Variants in UQCC1 observed in about 807,000 individuals in gnomAD.
UQCC1 encodes the protein ubiquinol-cytochrome c reductase complex assembly factor 1, also known as bFGF-repressed Zic-binding protein.
UQCC1 carries 38 observed loss-of-function variants against 48.0 expected under a neutral mutation model. The observed-to-expected ratio is 0.79, with a 90% confidence interval of 0.61 to 1.04. The LOEUF (loss-of-function observed/expected upper bound fraction) is 1.04, where lower values mean the gene tolerates loss of function less well. Among genes scored for constraint, UQCC1 ranks in the 50% least tolerant of loss-of-function variants. The probability of loss-of-function intolerance (pLI) is 0.00; values close to 1 mark genes in which losing one functional copy is unlikely to be tolerated. For synonymous variants in UQCC1, 111 were observed against 129.2 expected, an observed-to-expected ratio of 0.86 and a Z score of 0.95; for missense variants, 368 against 381.8, an observed-to-expected ratio of 0.96 and a Z score of 0.30.
chr20:35,338,914 G>T (rs1433708549), intron 7 of UQCC1, among the ~76,000 whole-genome samples: 18 of 34,148 alleles, frequency 5.3e-4, no homozygotes, highest in East Asian at 1.8e-3. Context: ...TATATGGAGA[G>T]ATTTTTCAAA....
intron 6 of UQCC1, among the ~76,000 whole-genome samples, chr20:35,348,513 C>T (rs2061455692): frequency 6.6e-6 from 1 of 152,122 alleles, no homozygotes; most frequent in Non-Finnish European, 1.5e-5. Context: ...CTTCAGCCTC[C>T]CAAGCAGCTG....
intron 1 of UQCC1, chr20:35,409,328 A>C (rs1014444935): frequency 6.6e-6 from 1 of 152,506 alleles, no homozygotes; most frequent in Non-Finnish European, 1.5e-5. Flanking sequence ...AAATTAGCTG[A>C]ACGTAGTGGC....
At chr20:35,396,456 G>A (rs2062080506) in intron 1 of UQCC1, among the ~76,000 whole-genome samples, 1 of 151,918 alleles carries the variant, frequency 6.6e-6, no homozygotes, top group South Asian at 2.1e-4. Flanking sequence ...CTAAAGGCTT[G>A]CATAGCTGTG....
intron 6 of UQCC1, among the ~76,000 whole-genome samples, chr20:35,362,981 C>A (rs757769800): frequency 4.0e-5 from 6 of 150,362 alleles, no homozygotes; most frequent in Admixed American, 2.0e-4. Context: ...TTCCTTCCCC[C>A]TTCTTTCTTT....
intron 2 of UQCC1, chr20:35,392,223 G>C (rs529879931): frequency 7.7e-7 from 1 of 1,303,618 alleles, no homozygotes; most frequent in African/African-American, 1.5e-5. Context: ...CTTCCTCCCT[G>C]TGAGACATGT....
chr20:35,344,259 A>G (rs2061410193), intron 7 of UQCC1: 2 of 152,278 alleles, frequency 1.3e-5, no homozygotes, highest in South Asian at 4.1e-4. Context: ...AAGAAGTAAC[A>G]TGGGAGAAGG....
chr20:35,408,520 CA>C (rs1309093657), intron 1 of UQCC1, among the ~76,000 whole-genome samples: 1 of 152,176 alleles, frequency 6.6e-6, no homozygotes, highest in Non-Finnish European at 1.5e-5. Flanking sequence ...GAATGTAAAA[CA>C]GTGTATCTGC....
intron 6 of UQCC1, among the ~76,000 whole-genome samples, chr20:35,357,685 A>AAG (rs1555808696): frequency 4.6e-5 from 7 of 151,274 alleles, no homozygotes; most frequent in African/African-American, 1.7e-4. Flanking sequence ...AAAAAAAAAA[A>AAG]AAAGAAAGAA....
In UQCC1 at chr20:35,314,682, T is replaced by C. The variant is rs1330722628; in HGVS notation, c.651+6A>G. 1 of 1,604,014 alleles carries C rather than the reference T, an allele frequency of 6.2e-7. No homozygotes were observed. The highest frequency in any genetic ancestry group is 1.3e-5 in the African/African-American group (1 of 74,792). ...GTCCTGCCTAAGCCTTGGCAAACAA[T>C]CTTACCTCATCATATCCCAAGATCG... On this transcript the variant is annotated splice_donor_region_variant and intron_variant, in intron 8 of 9. Coordinates refer to ENST00000374385, the MANE Select transcript of UQCC1 (RefSeq NM_018244.5).
intron 1 of UQCC1, among the ~76,000 whole-genome samples, chr20:35,397,115 T>C (rs1340595280): frequency 2.7e-5 from 4 of 150,166 alleles, no homozygotes; most frequent in Non-Finnish European, 4.4e-5. Context: ...CGAGAATCAC[T>C]TGAACCCAGG....
chr20:35,392,401 T>C (rs1453500136), intron 2 of UQCC1: 1 of 737,746 alleles, frequency 1.4e-6, no homozygotes. Flanking sequence ...TTTACATAAA[T>C]GCTTTGCTAT....
At chr20:35,323,096 C>T (rs1434997729) in intron 7 of UQCC1, among the ~76,000 whole-genome samples, 4 of 152,306 alleles carry the variant, frequency 2.6e-5, no homozygotes, top group Middle Eastern at 6.8e-3. Context: ...ATCCGCCTGC[C>T]TCAGCCTCCC....
chr20:35,403,084 A>T (rs2062192634), intron 1 of UQCC1, among the ~76,000 whole-genome samples: 1 of 145,464 alleles, frequency 6.9e-6, no homozygotes, highest in Non-Finnish European at 1.5e-5. Context: ...AAAAAAAAAA[A>T]TTACCTATAC....
chr20:35,355,287 C>T (rs756309817), intron 6 of UQCC1, among the ~76,000 whole-genome samples: 22 of 152,148 alleles, frequency 1.4e-4, no homozygotes, highest in Admixed American at 3.3e-4. Context: ...AGTTGTAAGA[C>T]CAAAGGCAAA....
chr20:35,347,098 TA>T, intron 7 of UQCC1, 65 bp downstream of exon 7: 14 of 1,614,088 alleles, frequency 8.7e-6, no homozygotes, highest in Non-Finnish European at 1.2e-5. Flanking sequence ...TTACAACAGA[TA>T]AAACTCCAAA....
At chr20:35,392,183 A>G (rs1239075686) in intron 2 of UQCC1, 2 of 1,237,054 alleles carry the variant, frequency 1.6e-6, no homozygotes, top group Non-Finnish European at 2.2e-6. Context: ...AATTCTAATT[A>G]ACAAAACTCT....
intron 5 of UQCC1, among the ~76,000 whole-genome samples, chr20:35,372,683 T>C (rs6142360): frequency 0.48 from 72,909 of 152,136 alleles, 20,913 homozygotes; most frequent in East Asian, 0.72. Context: ...CTGGCCAACA[T>C]AGCCAAACCC....
intron 4 of UQCC1, among the ~76,000 whole-genome samples, chr20:35,375,377 T>C (rs1178127661): frequency 2.0e-5 from 3 of 152,314 alleles, no homozygotes; most frequent in South Asian, 2.1e-4. Context: ...CGTCTCTGAT[T>C]GTAATTAAGA....
intron 6 of UQCC1, among the ~76,000 whole-genome samples, chr20:35,349,385 A>T (rs1413511120): frequency 6.6e-6 from 1 of 152,220 alleles, no homozygotes; most frequent in Non-Finnish European, 1.5e-5. Context: ...AGTCATGCCT[A>T]CCTATGTGTG....
Sources: allele counts gnomAD v4.1 joint callset (sites outside exome capture counted in the v4.1 genomes callset), GRCh38; gene constraint gnomAD v4.1.1; transcripts MANE v1.5; gene names NCBI Gene and HGNC (gene_info 2026-07-23, HGNC 2026-07-21).